The following LY6G6C variants were observed in gnomAD, a reference collection of about 807,000 sequenced individuals.
LY6G6C encodes lymphocyte antigen 6 complex locus protein G6c.
A neutral mutation model predicts 12.8 loss-of-function variants in LY6G6C; 12 were observed. That is an observed-to-expected ratio of 0.94 (90% confidence interval 0.60 to 1.52). LY6G6C has a LOEUF of 1.52. LY6G6C is among the 40% of genes most tolerant of loss of function. The pLI, the probability that LY6G6C is intolerant of heterozygous loss-of-function variation, is 0.00. For synonymous variants in LY6G6C, 42 were observed against 61.6 expected (o/e 0.68, Z 1.49); for missense variants, 125 against 155.8 (o/e 0.80, Z 1.05).
rs1175552071 is a variant in LY6G6C, at chr6:31,720,666, T to A, written c.53-463A>T. Among the ~76,000 whole-genome samples the A allele has an allele frequency of 6.6e-6, 1 of 152,216 alleles. No homozygotes were observed. Among genetic ancestry groups the A allele is most frequent in the Non-Finnish European group, 1.5e-5 (1 of 68,042 alleles). ...TTGAGGCTGGCGAGAAAGCCATCTG[T>A]GGCCAGCTTTAGCAATTTACAATTT... On this transcript the variant is annotated intron_variant, in intron 1 of 2. Transcript: ENST00000375819. The surrounding 1 kb of genome is among the most constrained non-coding windows in gnomAD (Gnocchi z 4.9).
intron 1 of LY6G6C, 124 bp downstream of exon 1, chr6:31,721,504 G>T (rs983376232): frequency 7.5e-6 from 6 of 801,488 alleles, no homozygotes; most frequent in Non-Finnish European, 1.2e-5. Flanking sequence ...GCACAGGAGA[G>T]CTGAGCCAGT....
intron 2 of LY6G6C, among the ~76,000 whole-genome samples, chr6:31,719,618 C>A (rs1806675882): frequency 1.3e-5 from 2 of 152,112 alleles, no homozygotes; most frequent in South Asian, 2.1e-4. Context: ...CTCACTGCAA[C>A]CTCCGCCTCC....
chr6:31,719,779 CAA>C (rs1168427704), intron 2 of LY6G6C, among the ~76,000 whole-genome samples: 3 of 152,146 alleles, frequency 2.0e-5, no homozygotes, highest in African/African-American at 4.8e-5. Context: ...TCAAGTGATC[CAA>C]CCACCTTGGC....
chr6:31,718,661 T>G lies in LY6G6C; in HGVS notation c.*435A>C. On this transcript the variant is annotated 3_prime_UTR_variant, in exon 3 of 3. Transcript: ENST00000375819. ...ATGTACATTTTATCAGACTCAGACA[T>G]TTATTACTCAAAATGGAAAGAGGTG... 1 of 187,462 alleles carries G rather than the reference T, an allele frequency of 5.3e-6. No homozygotes were observed. Among genetic ancestry groups the G allele is most frequent in the Non-Finnish European group, 1.1e-5 (1 of 91,106 alleles). The allele number at this position is 187,462 out of a possible 1,614,324, so 11.6% of individuals were successfully genotyped here.
intron 2 of LY6G6C, 94 bp from the exon 3 acceptor site, chr6:31,719,404 C>T: frequency 9.6e-7 from 1 of 1,046,970 alleles, no homozygotes; most frequent in Non-Finnish European, 1.5e-6. Flanking sequence ...AGGCTTCCTT[C>T]CTTCCCAACT....
rs1286748244 is a variant in LY6G6C, at chr6:31,720,216, A to G, written c.53-13T>C. The G allele has an allele frequency of 1.0e-5, 16 of 1,598,862 alleles. No homozygotes were observed. Among genetic ancestry groups the G allele is most frequent in the Non-Finnish European group, 1.4e-5 (16 of 1,167,240 alleles). On this transcript the variant is annotated splice_polypyrimidine_tract_variant and intron_variant, in intron 1 of 2. Coordinates refer to ENST00000375819, the MANE Select transcript of LY6G6C (RefSeq NM_025261.3). The surrounding 1 kb of genome is among the most constrained non-coding windows in gnomAD (Gnocchi z 4.9). ...CAGCGAATGTCAGCTGGGAAGACAC[A>G]AGTCAGGCTGAGGTGATGGGGTCTC... is the stretch of plus-strand genomic sequence containing the variant.
rs1444307115 is a variant in LY6G6C at position 31,720,103 on chromosome 6, A to C, written c.153T>G (p.His51Gln). The change falls in exon 2 of 3, where the codon CAT becomes CAG. Residue 51 changes from histidine (H) to glutamine (Q), a missense_variant. By Grantham distance (24) the His-to-Gln change is conservative. Coordinates refer to ENST00000375819, the MANE Select transcript of LY6G6C (RefSeq NM_025261.3). This position sits in a 1 kb window ranked among gnomAD's most constrained non-coding sequence, Gnocchi z 4.9. ...LEPGQQCLTT[H>Q]AYLGKMWVFS... is the part of the protein sequence containing the mutation. ...GGAAGGGGATGTTACCAAGGTATGCATGTGTTGTCAGGCATTGCTGTCCTG... is the reference window on the plus strand; with the variant it reads ...GGAAGGGGATGTTACCAAGGTATGCCTGTGTTGTCAGGCATTGCTGTCCTG... 1.2e-6 allele frequency: 2 copies of C among 1,611,914 alleles called. No individual in the cohort carries two copies. Among genetic ancestry groups the C allele is most frequent in the African/African-American group, 2.7e-5 (2 of 74,914 alleles).
rs376510 is a variant in LY6G6C at position 31,720,423 on chromosome 6, C to T, written c.53-220G>A. Among the ~76,000 whole-genome samples, 16,202 of 152,208 alleles carry T rather than the reference C, an allele frequency of 0.11. 1,153 individuals are homozygous for T. Among genetic ancestry groups the T allele is most frequent in the African/African-American group, 0.2 (8,267 of 41,500 alleles). ...GAGCTGTTGCTTTGTGAAAGGCCCA[C>T]GCCCTACATATCTTCCATCACTCCA... On this transcript the variant is annotated intron_variant, in intron 1 of 2. Coordinates refer to ENST00000375819, the MANE Select transcript of LY6G6C (RefSeq NM_025261.3). The surrounding 1 kb of genome is among the most constrained non-coding windows in gnomAD (Gnocchi z 4.9).
chr6:31,719,022 A>G lies in LY6G6C; in HGVS notation c.*74T>C. 1.6e-6 allele frequency: 2 copies of G among 1,274,942 alleles called. No individual in the cohort carries two copies. Among genetic ancestry groups the G allele is most frequent in the Non-Finnish European group, 2.3e-6 (2 of 886,702 alleles). 79.0% of individuals were successfully genotyped at this position (1,274,942 alleles called of 1,614,324 possible). On this transcript the variant is annotated 3_prime_UTR_variant, in exon 3 of 3. Coordinates refer to ENST00000375819, the MANE Select transcript of LY6G6C (RefSeq NM_025261.3). ...TAGGGAGAGACGATTCTGTAAAGCCAGGGGATACAGAGACACAGGGAGAGA... is the reference window on the plus strand; with the variant it reads ...TAGGGAGAGACGATTCTGTAAAGCCGGGGGATACAGAGACACAGGGAGAGA...
intron 1 of LY6G6C, among the ~76,000 whole-genome samples, chr6:31,721,414 G>A (rs1806774411): frequency 6.6e-6 from 1 of 152,086 alleles, no homozygotes. Context: ...GTCTTTCTTG[G>A]AGGTGGGGAG....
chr6:31,719,038 C>A lies in LY6G6C; in HGVS notation c.*58G>T. The A allele has an allele frequency of 7.0e-7, 1 of 1,434,758 alleles. No homozygotes were observed. 88.9% of individuals were successfully genotyped at this position (1,434,758 alleles called of 1,614,324 possible). On this transcript the variant is annotated 3_prime_UTR_variant, in exon 3 of 3. Coordinates refer to ENST00000375819, the MANE Select transcript of LY6G6C (RefSeq NM_025261.3). ...TGTAAAGCCAGGGGATACAGAGACA[C>A]AGGGAGAGAGGCTCAGGCCAAGGCA...
At chr6:31,719,661 C>T (rs1045839854) in intron 2 of LY6G6C, among the ~76,000 whole-genome samples, 1 of 152,068 alleles carries the variant, frequency 6.6e-6, no homozygotes, top group African/African-American at 2.4e-5. Flanking sequence ...CTCAGCCTCC[C>T]GAGTAGCTGG....
In LY6G6C at chr6:31,720,418, G is replaced by A. The variant is rs1212230932; in HGVS notation, c.53-215C>T. On this transcript the variant is annotated intron_variant, in intron 1 of 2. Transcript: ENST00000375819. This position sits in a 1 kb window ranked among gnomAD's most constrained non-coding sequence, Gnocchi z 4.9. ...GGGTAGAGCTGTTGCTTTGTGAAAGGCCCACGCCCTACATATCTTCCATCA... is the reference window on the plus strand; with the variant it reads ...GGGTAGAGCTGTTGCTTTGTGAAAGACCCACGCCCTACATATCTTCCATCA... Among the ~76,000 whole-genome samples, 1 of 152,188 alleles carries A rather than the reference G, an allele frequency of 6.6e-6. No individual in the cohort carries two copies. Among genetic ancestry groups the A allele is most frequent in the Non-Finnish European group, 1.5e-5 (1 of 68,034 alleles).
Position 31,719,081 on chromosome 6 carries a change from C to T in LY6G6C, c.*15G>A. 5 of 1,606,560 alleles carry T rather than the reference C, an allele frequency of 3.1e-6. No homozygotes were observed. Among genetic ancestry groups the T allele is most frequent in the Non-Finnish European group, 4.3e-6 (5 of 1,173,916 alleles). On this transcript the variant is annotated 3_prime_UTR_variant, in exon 3 of 3. Coordinates refer to ENST00000375819, the MANE Select transcript of LY6G6C (RefSeq NM_025261.3). Reference sequence around the variant, plus strand: ...CCAAGGCAGGTGGGAGGAGGGGCAGCCAATGGAATGAGTCTCAGTGCAGCA... The same window carrying T: ...CCAAGGCAGGTGGGAGGAGGGGCAGTCAATGGAATGAGTCTCAGTGCAGCA...
chr6:31,719,945 T>C lies in LY6G6C; in HGVS notation c.163+148A>G, dbSNP rs1188929132. 4 of 599,450 alleles carry C rather than the reference T, an allele frequency of 6.7e-6. No individual in the cohort carries two copies. The Admixed American group carries it at 9.0e-5, about 14-fold the overall frequency. 37.1% of individuals were successfully genotyped at this position (599,450 alleles called of 1,614,324 possible). A position where few individuals can be genotyped will look rare whatever the true frequency, so the allele number is the denominator to read the frequency against. On this transcript the variant is annotated intron_variant, in intron 2 of 2. Coordinates refer to ENST00000375819, the MANE Select transcript of LY6G6C (RefSeq NM_025261.3). ...AAAAGGCATGCAAAGACATAGGATG[T>C]TGCCTGGCACACAACCATCTTTGGC...
Position 31,721,632 on chromosome 6 carries a change from G to C in LY6G6C, c.48C>G (p.Val16=), listed in dbSNP as rs1419958002. ...LLTLSVLLCW[V]SADIRCHSCY... ...TTGGGGCCCCCAGGTGCTCACCTGA[G>C]ACCCAGCAGAGCAGAACAGACAGGG... Residue 16 remains valine (V), a synonymous_variant, in exon 1 of 3, where the codon GTC becomes GTG. Transcript: ENST00000375819. 1.9e-6 allele frequency: 3 copies of C among 1,613,880 alleles called. No individual in the cohort carries two copies. Among genetic ancestry groups the C allele is most frequent in the Admixed American group, 1.7e-5 (1 of 59,996 alleles).
intron 2 of LY6G6C, 38 bp from the exon 3 acceptor site, chr6:31,719,348 G>T (rs774485531): frequency 4.5e-6 from 7 of 1,572,474 alleles, no homozygotes; most frequent in Non-Finnish European, 6.1e-6. Context: ...GCCAGGATGG[G>T]CACCTGGCAT....
rs1355720009 is a variant in LY6G6C, at chr6:31,721,636, C to T, written c.44G>A (p.Trp15Ter). 6.2e-7 allele frequency: 1 copy of T among 1,613,712 alleles called. No homozygotes were observed. Among genetic ancestry groups the T allele is most frequent in the African/African-American group, 1.3e-5 (1 of 74,868 alleles). Residue 15 changes from tryptophan to a stop codon, truncating the protein, a stop_gained, in exon 1 of 3, where the codon TGG (tryptophan) becomes TAG (stop). Coordinates refer to ENST00000375819, the MANE Select transcript of LY6G6C (RefSeq NM_025261.3). LOFTEE classifies it high-confidence loss of function. ...GGCCCCCAGGTGCTCACCTGAGACC[C>T]AGCAGAGCAGAACAGACAGGGTGAG... ...MLLTLSVLLC[W>*]VSADIRCHSC...
At position 31,721,620 on chromosome 6, in the gene LY6G6C, G is replaced by A; in HGVS notation, c.52+8C>T. On this transcript the variant is annotated splice_region_variant and intron_variant, in intron 1 of 2. Transcript: ENST00000375819. ...CAAACCAGGTCTTTGGGGCCCCCAG[G>A]TGCTCACCTGAGACCCAGCAGAGCA... is the stretch of plus-strand genomic sequence containing the variant. The A allele has an allele frequency of 1.2e-6, 2 of 1,613,552 alleles. No individual in the cohort carries two copies. The highest frequency in any genetic ancestry group is 1.7e-6 in the Non-Finnish European group (2 of 1,179,730).
Sources: allele counts gnomAD v4.1 joint callset (sites outside exome capture counted in the v4.1 genomes callset), GRCh38; gene constraint gnomAD v4.1.1; non-coding constraint Gnocchi (gnomAD v3.1); transcripts MANE v1.5; gene names NCBI Gene and HGNC (gene_info 2026-07-23, HGNC 2026-07-21).